The following CAVIN2 variants were observed in gnomAD, a reference collection of about 807,000 sequenced individuals.
CAVIN2 encodes the protein caveolae associated protein 2.
A neutral mutation model predicts 11.7 loss-of-function variants in CAVIN2; 13 were observed. The ratio of observed to expected loss-of-function variants is 1.11; its 90% confidence interval spans 0.72 to 1.77. The LOEUF (loss-of-function observed/expected upper bound fraction) is 1.77. Ranked by LOEUF, CAVIN2 falls within the 40% of genes most tolerant of loss-of-function variation. CAVIN2 has a pLI of 0.00. For missense variants in CAVIN2, 549 were observed against 542.9 expected (o/e 1.01, Z -0.11); for synonymous variants, 237 against 223.2 (o/e 1.06, Z -0.55).
At chr2:191,836,792 T>G in intron 1 of CAVIN2, 75 bp from the exon 2 acceptor site, 1 of 1,371,216 alleles carries the variant, frequency 7.3e-7, no homozygotes, top group Non-Finnish European at 9.9e-7. Context: ...GTAATACGTG[T>G]GTCTGTTTTG....
chr2:191,838,576 A>T (rs1690052634), intron 1 of CAVIN2, among the ~76,000 whole-genome samples: 1 of 152,240 alleles, frequency 6.6e-6, no homozygotes, highest in Non-Finnish European at 1.5e-5. Context: ...TGTCCAGGCC[A>T]TAGTAAAAGA....
In CAVIN2 at chr2:191,836,074, A is replaced by T. The variant is rs776954259; in HGVS notation, c.1127T>A (p.Ile376Asn). 3.8e-5 allele frequency: 61 copies of T among 1,613,990 alleles called. No individual in the cohort carries two copies. The highest frequency in any genetic ancestry group is 6.7e-5 in the African/African-American group (5 of 74,892). The change falls in exon 2 of 2, where the codon ATT becomes AAT. Residue 376 changes from isoleucine (I) to asparagine (N), a missense_variant. Coordinates refer to ENST00000304141, the MANE Select transcript of CAVIN2 (RefSeq NM_004657.6). ...SGMDSNIDLT[I>N]VEDEEEESVA... ...TGACTCCTCCTCTTCATCTTCCACAATAGTCAAGTCGATGTTGCTGTCCAT... is the reference window on the plus strand; with the variant it reads ...TGACTCCTCCTCTTCATCTTCCACATTAGTCAAGTCGATGTTGCTGTCCAT...
Position 191,846,314 on chromosome 2 carries a change from C to T in CAVIN2, c.483+129G>A, listed in dbSNP as rs185041187. On this transcript the variant is annotated intron_variant, in intron 1 of 1. Coordinates refer to ENST00000304141, the MANE Select transcript of CAVIN2 (RefSeq NM_004657.6). ...TTGCTTTCCGCAGGCAGACAGGGGA[C>T]AGTGCCTTGTATGTGTGATCCCTGA... 14 of 1,134,280 alleles carry T rather than the reference C, an allele frequency of 1.2e-5. No homozygotes were observed. In the East Asian group the frequency reaches 3.1e-4, roughly 25 times the overall value. The allele number at this position is 1,134,280 out of a possible 1,614,324, so 70.3% of individuals were successfully genotyped here.
rs1345504798 is a variant in CAVIN2, at chr2:191,834,839, T to A, written c.*1084A>T. 1 of 152,082 alleles carries A rather than the reference T, an allele frequency of 6.6e-6. No individual in the cohort carries two copies. The highest frequency in any genetic ancestry group is 1.5e-5 in the Non-Finnish European group (1 of 67,946). 9.4% of individuals were successfully genotyped at this position (152,082 alleles called of 1,614,324 possible). ...CTTCCAAAACCTATAGATTTTAGCA[T>A]CTTATAAGCCTACATCACATCACAT... On this transcript the variant is annotated 3_prime_UTR_variant, in exon 2 of 2. Transcript: ENST00000304141.
chr2:191,836,010 A>AC lies in CAVIN2; in HGVS notation c.1190dup (p.Ser398Ter). 6.2e-7 allele frequency: 1 copy of AC among 1,614,122 alleles called. No individual in the cohort carries two copies. The highest frequency in any genetic ancestry group is 8.5e-7 in the Non-Finnish European group (1 of 1,180,028). On this transcript the variant is annotated frameshift_variant, in exon 2 of 2. Transcript: ENST00000304141. LOFTEE classifies it low-confidence loss of function (END_TRUNC). ...CCTCCTCGGATGTTAGCGCGTAGCT[A>AC]CCCTCATAGCGTACCTTCTGTGCCT... is the stretch of plus-strand genomic sequence containing the variant.
At chr2:191,840,187 C>T (rs1265986264) in intron 1 of CAVIN2, among the ~76,000 whole-genome samples, 3 of 152,208 alleles carry the variant, frequency 2.0e-5, no homozygotes, top group African/African-American at 7.2e-5. Context: ...TTTGCTTTCT[C>T]TTACAGGTTG....
At chr2:191,838,038 C>T (rs1324758817) in intron 1 of CAVIN2, among the ~76,000 whole-genome samples, 2 of 152,352 alleles carry the variant, frequency 1.3e-5, no homozygotes, top group African/African-American at 4.8e-5. Context: ...GCTCCAGACC[C>T]CCCTGCCACC....
At chr2:191,842,216 GA>G (rs1690104646) in intron 1 of CAVIN2, among the ~76,000 whole-genome samples, 1 of 152,202 alleles carries the variant, frequency 6.6e-6, no homozygotes, top group East Asian at 1.9e-4. Flanking sequence ...CCATTCTCCA[GA>G]AATGTATCCA....
Position 191,835,991 on chromosome 2 carries a change from C to T in CAVIN2, c.1210G>A (p.Glu404Lys), listed in dbSNP as rs766866506. The change falls in exon 2 of 2, where the codon GAG (glutamate) becomes AAG (lysine). Residue 404 changes from glutamate (E) to lysine (K), a missense_variant. By Grantham distance (56) the Glu-to-Lys change is moderately conservative. Coordinates refer to ENST00000304141, the MANE Select transcript of CAVIN2 (RefSeq NM_004657.6). ...TCCCCATCGGAGCGCTCCGCCTCCTCGGATGTTAGCGCGTAGCTACCCTCA... is the reference window on the plus strand; with the variant it reads ...TCCCCATCGGAGCGCTCCGCCTCCTTGGATGTTAGCGCGTAGCTACCCTCA... ...RYEGSYALTS[E>K]EAERSDGDPV... is the part of the protein sequence containing the mutation. 3.7e-6 allele frequency: 6 copies of T among 1,614,202 alleles called. No homozygotes were observed. The South Asian group carries it at 5.5e-5, about 15-fold the overall frequency.
chr2:191,843,254 G>A (rs747499576), intron 1 of CAVIN2, among the ~76,000 whole-genome samples: 7 of 152,144 alleles, frequency 4.6e-5, no homozygotes, highest in Non-Finnish European at 1.0e-4. Flanking sequence ...AGATTTCGGC[G>A]GGCTCAACAG....
In CAVIN2 at chr2:191,847,082, G is replaced by T. The variant is rs559464088; in HGVS notation, c.-157C>A. On this transcript the variant is annotated 5_prime_UTR_variant, in exon 1 of 2. Coordinates refer to ENST00000304141, the MANE Select transcript of CAVIN2 (RefSeq NM_004657.6). Reference sequence around the variant, plus strand: ...GTTCAGACAGGCAACAACTGGCTACGCTGATCAGGGGAACTGCATTCCAGC... The same window carrying T: ...GTTCAGACAGGCAACAACTGGCTACTCTGATCAGGGGAACTGCATTCCAGC... 4 of 882,752 alleles carry T rather than the reference G, an allele frequency of 4.5e-6. No individual in the cohort carries two copies. In the Admixed American group the frequency reaches 8.6e-5, roughly 19 times the overall value. 54.7% of individuals were successfully genotyped at this position (882,752 alleles called of 1,614,324 possible).
chr2:191,845,196 G>A (rs1690148132), intron 1 of CAVIN2, among the ~76,000 whole-genome samples: 1 of 152,222 alleles, frequency 6.6e-6, no homozygotes, highest in Non-Finnish European at 1.5e-5. Flanking sequence ...GGTAGAGGAG[G>A]ACATAGGCTC....
Position 191,840,862 on chromosome 2 carries a change from C to A in CAVIN2, c.484-4145G>T, listed in dbSNP as rs564194242. Among the ~76,000 whole-genome samples the A allele has an allele frequency of 1.1e-3, 161 of 152,266 alleles. 1 individual carries two copies. The highest frequency in any genetic ancestry group is 3.7e-3 in the African/African-American group (152 of 41,550). ...GTCACTAACTCATCATTCCTGTTGG[C>A]AGAAGAAAATAACAAAGGATGTCAT... On this transcript the variant is annotated intron_variant, in intron 1 of 1. Coordinates refer to ENST00000304141, the MANE Select transcript of CAVIN2 (RefSeq NM_004657.6).
Position 191,846,917 on chromosome 2 carries a change from C to T in CAVIN2, c.9G>A (p.Glu3=). The T allele has an allele frequency of 6.2e-7, 1 of 1,607,506 alleles. No individual in the cohort carries two copies. Among genetic ancestry groups the T allele is most frequent in the Non-Finnish European group, 8.5e-7 (1 of 1,177,158 alleles). The change falls in exon 1 of 2, where the codon GAG becomes GAA. Residue 3 remains glutamate (E), a synonymous_variant. Coordinates refer to ENST00000304141, the MANE Select transcript of CAVIN2 (RefSeq NM_004657.6). ...GGAACTTTTCGGCCTGTGCAGCGTC[C>T]TCTCCCATGGCTAGGCAGGTGGGAA... MG[E]DAAQAEKFQH...
At chr2:191,840,708 C>A (rs562147227) in intron 1 of CAVIN2, among the ~76,000 whole-genome samples, 1 of 152,286 alleles carries the variant, frequency 6.6e-6, no homozygotes, top group African/African-American at 2.4e-5. Flanking sequence ...CTTCTGTGTA[C>A]ATATCTAAAT....
chr2:191,838,072 A>G (rs917459209), intron 1 of CAVIN2, among the ~76,000 whole-genome samples: 1 of 152,222 alleles, frequency 6.6e-6, no homozygotes, highest in South Asian at 2.1e-4. Context: ...GAGCCTCAGG[A>G]TTGCCTGATT....
At chr2:191,841,928 G>C (rs544239969) in intron 1 of CAVIN2, among the ~76,000 whole-genome samples, 2 of 152,240 alleles carry the variant, frequency 1.3e-5, no homozygotes, top group South Asian at 4.2e-4. Context: ...TAAAGTAAAA[G>C]GGCACTGGAT....
Position 191,847,082 on chromosome 2 carries a change from G to A in CAVIN2, c.-157C>T, listed in dbSNP as rs559464088. The A allele has an allele frequency of 3.3e-5, 29 of 882,756 alleles. No homozygotes were observed. The South Asian group carries it at 3.9e-4, about 12-fold the overall frequency. 54.7% of individuals were successfully genotyped at this position (882,756 alleles called of 1,614,324 possible). A position where few individuals can be genotyped will look rare whatever the true frequency, so the allele number is the denominator to read the frequency against. Reference sequence around the variant, plus strand: ...GTTCAGACAGGCAACAACTGGCTACGCTGATCAGGGGAACTGCATTCCAGC... The same window carrying A: ...GTTCAGACAGGCAACAACTGGCTACACTGATCAGGGGAACTGCATTCCAGC... On this transcript the variant is annotated 5_prime_UTR_variant, in exon 1 of 2. Coordinates refer to ENST00000304141, the MANE Select transcript of CAVIN2 (RefSeq NM_004657.6).
intron 1 of CAVIN2, among the ~76,000 whole-genome samples, chr2:191,840,229 C>G (rs1195549007): frequency 6.6e-6 from 1 of 152,208 alleles, no homozygotes; most frequent in Non-Finnish European, 1.5e-5. Flanking sequence ...GAGAGAAGAT[C>G]AAGTACACAT....
Sources: allele counts gnomAD v4.1 joint callset (sites outside exome capture counted in the v4.1 genomes callset), GRCh38; gene constraint gnomAD v4.1.1; transcripts MANE v1.5; gene names NCBI Gene and HGNC (gene_info 2026-07-23, HGNC 2026-07-21).